Variants in SLC9A3 observed in about 807,000 individuals in gnomAD.
SLC9A3 encodes solute carrier family 9 member A3.
Under a neutral mutation model 86.8 loss-of-function variants are expected in SLC9A3, and 37 were observed. That is an observed-to-expected ratio of 0.43 (90% CI 0.33 to 0.56). The LOEUF (loss-of-function observed/expected upper bound fraction) is 0.56. Ranked by LOEUF, SLC9A3 falls within the 20% of genes least tolerant of loss-of-function variation. SLC9A3 has a pLI of 0.06. For synonymous variants in SLC9A3, 581 were observed against 528.3 expected (o/e 1.10, Z -1.37); for missense variants, 1,011 against 1,171.9 (o/e 0.86, Z 2.00).
intron 1 of SLC9A3, among the ~76,000 whole-genome samples, chr5:519,252 G>C (rs1488096717): frequency 6.6e-6 from 1 of 152,182 alleles, no homozygotes; most frequent in African/African-American, 2.4e-5. Context: ...TGGGTCCCCT[G>C]GGGACTTTGC....
In SLC9A3 at chr5:501,032, C is replaced by T. The variant is rs559256089; in HGVS notation, c.212-8961G>A. Among the ~76,000 whole-genome samples, 9 of 152,316 alleles carry T rather than the reference C, an allele frequency of 5.9e-5. No individual in the cohort carries two copies. In the South Asian group the frequency reaches 1.5e-3, roughly 25 times the overall value. On this transcript the variant is annotated intron_variant, in intron 1 of 16. Transcript: ENST00000264938. The stretch of plus-strand genomic sequence containing the variant: ...CGCAGGCCCTCAGGTAACTGATTGC[C>T]GAGGCTGGAGAGTCACAGCTAATTA...
chr5:473,748 C>G (rs981754956), intron 16 of SLC9A3, among the ~76,000 whole-genome samples: 26 of 152,194 alleles, frequency 1.7e-4, no homozygotes, highest in African/African-American at 6.3e-4. Flanking sequence ...CCTCCCAGGC[C>G]CCCAGAGGGA....
chr5:510,843 G>T (rs908780844), intron 1 of SLC9A3, among the ~76,000 whole-genome samples: 1 of 152,206 alleles, frequency 6.6e-6, no homozygotes, highest in African/African-American at 2.4e-5. Flanking sequence ...AGCAGCACAC[G>T]CAGCTTTCTC....
Position 470,553 on chromosome 5 carries a change from G to C in SLC9A3, c.*2826C>G, listed in dbSNP as rs571582595. 1 of 152,466 alleles carries C rather than the reference G, an allele frequency of 6.6e-6. No homozygotes were observed. The highest frequency in any genetic ancestry group is 2.4e-5 in the African/African-American group (1 of 41,572). The allele number at this position is 152,466 out of a possible 1,614,324, so 9.4% of individuals were successfully genotyped here. A position where few individuals can be genotyped will look rare whatever the true frequency, so the allele number is the denominator to read the frequency against. ...ATAGAATTGGTCTAGTAATCGTTCA[G>C]GATTTCGGTGATGGGCCCTCCCTGT... is the stretch of plus-strand genomic sequence containing the variant. On this transcript the variant is annotated 3_prime_UTR_variant, in exon 17 of 17. Transcript: ENST00000264938.
intron 1 of SLC9A3, among the ~76,000 whole-genome samples, chr5:518,024 T>C (rs906905632): frequency 3.3e-5 from 5 of 152,182 alleles, no homozygotes; most frequent in Admixed American, 3.3e-4. Flanking sequence ...TATTCACTCA[T>C]CCATCCATCC....
rs1029898112 is a variant in SLC9A3, at chr5:471,224, ATCT to A, written c.*2152_*2154del. On this transcript the variant is annotated 3_prime_UTR_variant, in exon 17 of 17. Coordinates refer to ENST00000264938, the MANE Select transcript of SLC9A3 (RefSeq NM_004174.4). Reference sequence around the variant, plus strand: ...GTGGAGATCAGGCGGCGATTACCGCATCTTCTTTGCTGACTTTGGTAACCGGGT... The same window carrying A: ...GTGGAGATCAGGCGGCGATTACCGCATCTTTGCTGACTTTGGTAACCGGGT... 1.9e-5 allele frequency: 3 copies of A among 161,298 alleles called. No individual in the cohort carries two copies. Among genetic ancestry groups the A allele is most frequent in the South Asian group, 1.6e-4 (1 of 6,134 alleles). The allele number at this position is 161,298 out of a possible 1,614,324, so 10.0% of individuals were successfully genotyped here.
At chr5:481,791 A>G (rs1396321707) in intron 8 of SLC9A3, among the ~76,000 whole-genome samples, 156 bp from the exon 9 acceptor site, 19 of 43,408 alleles carry the variant, frequency 4.4e-4, no homozygotes, top group Admixed American at 3.8e-3. Context: ...GCCCAGCCCC[A>G]AGGAACACAC....
Position 488,851 on chromosome 5 carries a change from C to T in SLC9A3, c.515-375G>A, listed in dbSNP as rs536913848. On this transcript the variant is annotated intron_variant, in intron 2 of 16. Coordinates refer to ENST00000264938, the MANE Select transcript of SLC9A3 (RefSeq NM_004174.4). ...AGAAGCAAGTGGGGCTGACCCAGGA[C>T]GGGCCCGGAGCCGGGACACACAGCA... is the stretch of plus-strand genomic sequence containing the variant. Among the ~76,000 whole-genome samples, 55 of 152,206 alleles carry T rather than the reference C, an allele frequency of 3.6e-4. 1 individual carries two copies. Among genetic ancestry groups the T allele is most frequent in the Middle Eastern group, 3.4e-3 (1 of 294 alleles).
intron 3 of SLC9A3, among the ~76,000 whole-genome samples, chr5:486,285 GC>G (rs1332548267): frequency 1.3e-5 from 2 of 152,174 alleles, no homozygotes; most frequent in Non-Finnish European, 2.9e-5. Flanking sequence ...TGGTGTCGGG[GC>G]CGGGCCCAGG....
At chr5:513,505 T>C (rs1579824036) in intron 1 of SLC9A3, among the ~76,000 whole-genome samples, 1 of 152,110 alleles carries the variant, frequency 6.6e-6, no homozygotes, top group South Asian at 2.1e-4. Flanking sequence ...GAGCGCCAGG[T>C]GCACGAGTGA....
chr5:490,043 C>CA (rs1739654916), intron 2 of SLC9A3, among the ~76,000 whole-genome samples: 1 of 152,268 alleles, frequency 6.6e-6, no homozygotes, highest in Non-Finnish European at 1.5e-5. Flanking sequence ...AGACGCTCCA[C>CA]AGGGCTTGGC....
At position 492,063 on chromosome 5, in the gene SLC9A3, G is replaced by A. The variant is rs147943253; in HGVS notation, c.220C>T (p.Leu74=). The A allele has an allele frequency of 8.6e-6, 13 of 1,509,214 alleles. No homozygotes were observed. The African/African-American group carries it at 1.6e-4, about 18-fold the overall frequency. The allele number at this position is 1,509,214 out of a possible 1,614,324, so 93.5% of individuals were successfully genotyped here. A position where few individuals can be genotyped will look rare whatever the true frequency, so the allele number is the denominator to read the frequency against. The change falls in exon 2 of 17, where the codon CTG becomes TTG. Residue 74 remains leucine, a synonymous_variant. Coordinates refer to ENST00000264938, the MANE Select transcript of SLC9A3 (RefSeq NM_004174.4). ...ACCACGCTGGTGACCTTGTGGGACAGGTGGAACCCTGTGGGGGAAGGGAGG... is the reference window on the plus strand; with the variant it reads ...ACCACGCTGGTGACCTTGTGGGACAAGTGGAACCCTGTGGGGGAAGGGAGG... ...VASLAKIGFH[L]SHKVTSVVPE...
At chr5:498,191 G>A (rs116728602) in intron 1 of SLC9A3, among the ~76,000 whole-genome samples, 230 of 152,332 alleles carry the variant, frequency 1.5e-3, no homozygotes, top group Non-Finnish European at 2.5e-3. Context: ...ACGCTGAGGG[G>A]TGCTGCCAAC....
chr5:497,977 T>C lies in SLC9A3; in HGVS notation c.212-5906A>G, dbSNP rs940077715. Among the ~76,000 whole-genome samples, 1 of 152,226 alleles carries C rather than the reference T, an allele frequency of 6.6e-6. No individual in the cohort carries two copies. Among genetic ancestry groups the C allele is most frequent in the Admixed American group, 6.5e-5 (1 of 15,286 alleles). The stretch of plus-strand genomic sequence containing the variant: ...GTCAGCTATGAAGCCTTAGCCTCGC[T>C]TGTGGGAGTCCCTGCCTCACGGATG... On this transcript the variant is annotated intron_variant, in intron 1 of 16. Transcript: ENST00000264938. This position sits in a 1 kb window ranked among gnomAD's most constrained non-coding sequence, Gnocchi z 5.4.
In SLC9A3 at chr5:482,614, C is replaced by T; in HGVS notation, c.1290G>A (p.Lys430=). 6.2e-7 allele frequency: 1 copy of T among 1,612,904 alleles called. No individual in the cohort carries two copies. The highest frequency in any genetic ancestry group is 8.5e-7 in the Non-Finnish European group (1 of 1,179,934). Residue 430 remains lysine, a synonymous_variant, in exon 7 of 17, where the codon AAG becomes AAA. Coordinates refer to ENST00000264938, the MANE Select transcript of SLC9A3 (RefSeq NM_004174.4). ...FALVVLLDGD[K]VKEKNLFVST... ...TGACGAACAGGTTCTTCTCCTTGAC[C>T]TTGTCTCCATCCAGAAGCACCACCA...
intron 1 of SLC9A3, among the ~76,000 whole-genome samples, chr5:520,777 A>T (rs997659033): frequency 5.3e-5 from 8 of 151,828 alleles, no homozygotes; most frequent in African/African-American, 1.9e-4. Flanking sequence ...CATTGCTTGC[A>T]GTCCTGACAC....
Position 492,034 on chromosome 5 carries a change from G to T in SLC9A3, c.249C>A (p.Pro83=), listed in dbSNP as rs755236573. ...HLSHKVTSVV[P]ESALLIVLGL... Reference sequence around the variant, plus strand: ...CCAGCACGATGAGCAGGGCGCTCTCGGGAACCACGCTGGTGACCTTGTGGG... The same window carrying T: ...CCAGCACGATGAGCAGGGCGCTCTCTGGAACCACGCTGGTGACCTTGTGGG... Residue 83 remains proline (P), a synonymous_variant, in exon 2 of 17, where the codon CCC becomes CCA. Transcript: ENST00000264938. 2.4e-5 allele frequency: 38 copies of T among 1,563,700 alleles called. No individual in the cohort carries two copies. The highest frequency in any genetic ancestry group is 3.2e-5 in the Non-Finnish European group (37 of 1,152,714).
In SLC9A3 at chr5:476,122, C is replaced by A. The variant is rs1738711118; in HGVS notation, c.2068-30G>T. The A allele has an allele frequency of 3.1e-6, 5 of 1,612,122 alleles. No individual in the cohort carries two copies. The African/African-American group carries it at 6.7e-5, about 22-fold the overall frequency. Reference sequence around the variant, plus strand: ...GGAGCAAACGTGAAGCTGCTCACACCCCGACACAGCCACACCCAGCCCTGA... The same window carrying A: ...GGAGCAAACGTGAAGCTGCTCACACACCGACACAGCCACACCCAGCCCTGA... On this transcript the variant is annotated intron_variant, in intron 13 of 16. Coordinates refer to ENST00000264938, the MANE Select transcript of SLC9A3 (RefSeq NM_004174.4).
chr5:498,058 G>A (rs975327970), intron 1 of SLC9A3, among the ~76,000 whole-genome samples: 1 of 152,204 alleles, frequency 6.6e-6, no homozygotes, highest in South Asian at 2.1e-4. Context: ...TTTGCCTCTG[G>A]TCGCTCTATC....
Sources: gnomAD v4.1 joint callset for allele counts (sites outside exome capture counted in the v4.1 genomes callset) on GRCh38, gnomAD v4.1.1 for gene constraint, Gnocchi (gnomAD v3.1) non-coding constraint, MANE v1.5 for transcripts, NCBI Gene and HGNC (gene_info 2026-07-23, HGNC 2026-07-21) for gene names.